KLB: variants seen among roughly 807,000 people sequenced by gnomAD.
KLB encodes beta-klotho.
A neutral mutation model predicts 88.4 loss-of-function variants in KLB; 44 were observed. The ratio of observed to expected loss-of-function variants is 0.50; its 90% CI spans 0.39 to 0.64. The LOEUF (loss-of-function observed/expected upper bound fraction) is 0.64, where lower values mean the gene tolerates loss of function less well. Among genes scored for constraint, KLB ranks in the 30% least tolerant of loss-of-function variants. The probability of loss-of-function intolerance (pLI) is 0.00; values close to 1 mark genes in which losing one functional copy is unlikely to be tolerated. For synonymous variants in KLB, 548 were observed against 513.4 expected, an observed-to-expected ratio of 1.07 and a Z score of -0.91; for missense variants, 1,137 against 1,304.8, an observed-to-expected ratio of 0.87 and a Z score of 1.98.
At chr4:39,435,460 T>C (rs1743454173) in intron 2 of KLB, among the ~76,000 whole-genome samples, 1 of 145,088 alleles carries the variant, frequency 6.9e-6, no homozygotes, top group African/African-American at 2.6e-5. Context: ...AGTTTCACTC[T>C]TGTTTCCCAG....
chr4:39,441,054 C>G (rs890891219), intron 3 of KLB, among the ~76,000 whole-genome samples: 5 of 152,122 alleles, frequency 3.3e-5, no homozygotes, highest in African/African-American at 4.8e-5. Flanking sequence ...TGGGGTTTCA[C>G]TATGTTGGCC....
At chr4:39,411,007 C>T (rs1430460037) in intron 1 of KLB, among the ~76,000 whole-genome samples, 1 of 152,118 alleles carries the variant, frequency 6.6e-6, no homozygotes, top group Non-Finnish European at 1.5e-5. Context: ...AAAAATTTTC[C>T]ATAATCACAC....
At chr4:39,428,904 C>T (rs1029060543) in intron 1 of KLB, among the ~76,000 whole-genome samples, 1 of 152,086 alleles carries the variant, frequency 6.6e-6, no homozygotes, top group African/African-American at 2.4e-5. Flanking sequence ...GACAGGGTCC[C>T]ACCATGTTGG....
intron 1 of KLB, among the ~76,000 whole-genome samples, chr4:39,418,250 A>AT (rs566409754): frequency 2.2e-4 from 34 of 151,728 alleles, no homozygotes; most frequent in Non-Finnish European, 4.6e-4. Flanking sequence ...TATCTTTTTT[A>AT]TTTTTTTTGA....
intron 1 of KLB, among the ~76,000 whole-genome samples, chr4:39,429,226 G>T (rs1253767021): frequency 6.6e-6 from 1 of 152,168 alleles, no homozygotes; most frequent in African/African-American, 2.4e-5. Flanking sequence ...ATTTGGAAAT[G>T]GAACTTTTGA....
At chr4:39,408,017 A>G (rs1477290762) in intron 1 of KLB, among the ~76,000 whole-genome samples, 6 of 152,198 alleles carry the variant, frequency 3.9e-5, no homozygotes, top group African/African-American at 1.4e-4. Flanking sequence ...TAAATCTACC[A>G]TTATACACTA....
At chr4:39,443,680 G>C (rs546807233) in intron 3 of KLB, among the ~76,000 whole-genome samples, 2 of 146,616 alleles carry the variant, frequency 1.4e-5, no homozygotes, top group South Asian at 4.3e-4. Context: ...AGAATCACTT[G>C]AACCTCAGAG....
chr4:39,437,920 A>C lies in KLB; in HGVS notation c.1530A>C (p.Leu510Phe), dbSNP rs137923968. The C allele has an allele frequency of 1.1e-4, 175 of 1,614,048 alleles. No individual in the cohort carries two copies. The highest frequency in any genetic ancestry group is 1.4e-4 in the Non-Finnish European group (168 of 1,180,008). ...TCATACGAGAAAATGGTTTTTCTTT[A>C]AAAGAGTCCACGCCAGATGTGCAGG... ...KQIIRENGFS[L>F]KESTPDVQGQ... The change falls in exon 3 of 5, where the codon TTA becomes TTC. Residue 510 changes from leucine to phenylalanine, a missense_variant. Leu to Phe is a conservative substitution (Grantham distance 22, BLOSUM62 0). This residue lies in a region of KLB where 597 missense variants were observed against 765.2 expected (regional missense o/e 0.78). Coordinates refer to ENST00000257408, the MANE Select transcript of KLB (RefSeq NM_175737.4).
At chr4:39,441,659 G>C (rs1314620361) in intron 3 of KLB, 1 of 152,114 alleles carries the variant, frequency 6.6e-6, no homozygotes, top group African/African-American at 2.4e-5. Context: ...TTAAGAATGA[G>C]GATAAGGCTG....
At position 39,450,449 on chromosome 4, in the gene KLB, G is replaced by A. The variant is rs1743866812; in HGVS notation, c.*1763G>A. On this transcript the variant is annotated 3_prime_UTR_variant, in exon 5 of 5. Coordinates refer to ENST00000257408, the MANE Select transcript of KLB (RefSeq NM_175737.4). ...CTAATGAACAAGTTTCCAAAATACT[G>A]TAAAAATACAATTAGTCAATTTGAG... is the stretch of plus-strand genomic sequence containing the variant. The A allele has an allele frequency of 6.6e-6, 1 of 152,116 alleles. No individual in the cohort carries two copies. The highest frequency in any genetic ancestry group is 1.5e-5 in the Non-Finnish European group (1 of 68,028). 9.4% of individuals were successfully genotyped at this position (152,116 alleles called of 1,614,324 possible). A position where few individuals can be genotyped will look rare whatever the true frequency, so the allele number is the denominator to read the frequency against.
intron 3 of KLB, among the ~76,000 whole-genome samples, chr4:39,440,926 C>T (rs1373183974): frequency 6.6e-6 from 1 of 152,084 alleles, no homozygotes; most frequent in African/African-American, 2.4e-5. Context: ...GGCGTGATCT[C>T]AGCTCACTGC....
intron 1 of KLB, among the ~76,000 whole-genome samples, chr4:39,419,665 A>G (rs1743035880): frequency 6.6e-6 from 1 of 150,974 alleles, no homozygotes; most frequent in Admixed American, 6.6e-5. Context: ...AATCCCAGCT[A>G]CTCGGGAGGC....
At chr4:39,420,696 G>C (rs1029441541) in intron 1 of KLB, among the ~76,000 whole-genome samples, 2 of 151,890 alleles carry the variant, frequency 1.3e-5, no homozygotes, top group African/African-American at 4.8e-5. Context: ...TTTAGTTTTT[G>C]TAGAAACAAG....
rs1193683821 is a variant in KLB, at chr4:39,450,750, G to A, written c.*2064G>A. 2 of 151,528 alleles carry A rather than the reference G, an allele frequency of 1.3e-5. No individual in the cohort carries two copies. Among genetic ancestry groups the A allele is most frequent in the Non-Finnish European group, 2.9e-5 (2 of 67,958 alleles). The allele number at this position is 151,528 out of a possible 1,614,324, so 9.4% of individuals were successfully genotyped here. On this transcript the variant is annotated 3_prime_UTR_variant, in exon 5 of 5. Transcript: ENST00000257408. ...TCACTTAAAACAATCACTTGGCTGG[G>A]TTTTTTCCCCTTTGTGCCACATTGA...
rs779421189 is a variant in KLB, at chr4:39,447,117, G to A, written c.2391G>A (p.Gly797=). Reference sequence around the variant, plus strand: ...ACATTGCCTCCAAGCACCGACGGGGGCTTTCCAGCTCGGCCCTGCCGCGCC... The same window carrying A: ...ACATTGCCTCCAAGCACCGACGGGGACTTTCCAGCTCGGCCCTGCCGCGCC... ...REYIASKHRR[G]LSSSALPRLT... Residue 797 remains glycine (G), a synonymous_variant, in exon 4 of 5, where the codon GGG becomes GGA. Coordinates refer to ENST00000257408, the MANE Select transcript of KLB (RefSeq NM_175737.4). The A allele has an allele frequency of 6.2e-5, 100 of 1,613,346 alleles. No homozygotes were observed. The highest frequency in any genetic ancestry group is 2.2e-4 in the South Asian group (20 of 91,082).
In KLB at chr4:39,447,487, G is replaced by T. The variant is rs746847648; in HGVS notation, c.2749+12G>T. ...GGAGGTGCTGAAAGGTAAGGGCGGG[G>T]CCCCTTCAGACACAGGGCAGAGCGA... On this transcript the variant is annotated intron_variant, in intron 4 of 4. Coordinates refer to ENST00000257408, the MANE Select transcript of KLB (RefSeq NM_175737.4). 6.5e-7 allele frequency: 1 copy of T among 1,546,124 alleles called. No homozygotes were observed. The highest frequency in any genetic ancestry group is 8.7e-7 in the Non-Finnish European group (1 of 1,147,026).
At chr4:39,429,002 C>A (rs1250995061) in intron 1 of KLB, among the ~76,000 whole-genome samples, 1 of 152,210 alleles carries the variant, frequency 6.6e-6, no homozygotes, top group African/African-American at 2.4e-5. Flanking sequence ...AGCCATGGCA[C>A]CCGGTCTTAA....
chr4:39,440,974 G>A (rs185805486), intron 3 of KLB, among the ~76,000 whole-genome samples: 45 of 152,270 alleles, frequency 3.0e-4, no homozygotes, highest in African/African-American at 1.1e-3. Flanking sequence ...TCCTGCCTCT[G>A]CCTCCAAAGT....
chr4:39,418,396 T>G (rs1489640616), intron 1 of KLB, among the ~76,000 whole-genome samples: 10 of 151,942 alleles, frequency 6.6e-5, no homozygotes, highest in Non-Finnish European at 1.0e-4. Flanking sequence ...TGAGCCACCG[T>G]GCCAGCTGAT....
Sources: gnomAD v4.1 joint callset for allele counts (sites outside exome capture counted in the v4.1 genomes callset) on GRCh38, gnomAD v4.1.1 for gene constraint, gnomAD v4.1.1 regional missense constraint, MANE v1.5 for transcripts, NCBI Gene and HGNC (gene_info 2026-07-23, HGNC 2026-07-21) for gene names.